Variants in FLNB observed in about 807,000 individuals in gnomAD.
The protein encoded by FLNB is filamin B.
FLNB carries 111 observed loss-of-function variants against 250.6 expected under a neutral mutation model. The observed-to-expected ratio is 0.44, with a 90% CI of 0.38 to 0.52. FLNB has a LOEUF of 0.52. FLNB is among the 20% of genes least tolerant of loss of function. The probability of loss-of-function intolerance (pLI) is 0.00; values close to 1 mark genes in which losing one functional copy is unlikely to be tolerated. For synonymous variants in FLNB, 1,302 were observed against 1,372.1 expected, an observed-to-expected ratio of 0.95 and a Z score of 1.13; for missense variants, 2,869 against 3,447.8, an observed-to-expected ratio of 0.83 and a Z score of 4.20.
At chr3:58,159,149 A>G (rs1053217439) in intron 41 of FLNB, among the ~76,000 whole-genome samples, 3 of 152,094 alleles carry the variant, frequency 2.0e-5, no homozygotes, top group African/African-American at 7.2e-5. Context: ...GCATAACATA[A>G]AACTGTGTTC....
intron 4 of FLNB, among the ~76,000 whole-genome samples, chr3:58,092,874 C>T (rs771579147): frequency 6.6e-6 from 1 of 152,154 alleles, no homozygotes; most frequent in Non-Finnish European, 1.5e-5. Context: ...GATTTCTGTC[C>T]CCCATACTGA....
At position 58,036,574 on chromosome 3, in the gene FLNB, A is replaced by G. The variant is rs996874535; in HGVS notation, c.292+27718A>G. 3.9e-5 allele frequency among the ~76,000 whole-genome samples: 6 copies of G among 152,226 alleles called. No homozygotes were observed. In the East Asian group the frequency reaches 1.2e-3, roughly 29 times the overall value. On this transcript the variant is annotated intron_variant, in intron 1 of 45. Coordinates refer to ENST00000295956, the MANE Select transcript of FLNB (RefSeq NM_001457.4). ...GCAGGGTCTGCAAACTATCTCAAGCACTGATGTTAAGTTTTACAGTAGTGA... is the reference window on the plus strand; with the variant it reads ...GCAGGGTCTGCAAACTATCTCAAGCGCTGATGTTAAGTTTTACAGTAGTGA...
At chr3:58,141,779 A>T in intron 29 of FLNB, 79 bp from the exon 30 acceptor site, 1 of 1,303,548 alleles carries the variant, frequency 7.7e-7, no homozygotes, top group Non-Finnish European at 1.1e-6. Flanking sequence ...GCAGTGGGGG[A>T]AGCAGCTCTG....
Position 58,130,842 on chromosome 3 carries a change from T to G in FLNB, c.4324T>G (p.Ser1442Ala). 4 of 1,613,502 alleles carry G rather than the reference T, an allele frequency of 2.5e-6. No homozygotes were observed. The highest frequency in any genetic ancestry group is 2.5e-6 in the Non-Finnish European group (3 of 1,179,858). ...AGGCGTCCGAGCCCGTGTCCTGCAG[T>G]CCTTCACGGTGGACAGCAGCAAGGC... ...GSGVRARVLQ[S>A]FTVDSSKAGL... The change falls in exon 25 of 46, where the codon TCC becomes GCC. Residue 1442 changes from serine (S) to alanine (A), a missense_variant. Ser to Ala is a moderately conservative substitution (Grantham distance 99, BLOSUM62 1). Transcript: ENST00000295956.
At chr3:58,033,517 G>A (rs2097133837) in intron 1 of FLNB, among the ~76,000 whole-genome samples, 1 of 151,856 alleles carries the variant, frequency 6.6e-6, no homozygotes, top group Admixed American at 6.6e-5. Context: ...CTAGCTTCCC[G>A]AGTAGCAGGG....
intron 1 of FLNB, among the ~76,000 whole-genome samples, chr3:58,019,575 G>A (rs1195299263): frequency 2.0e-5 from 3 of 152,188 alleles, no homozygotes; most frequent in Non-Finnish European, 4.4e-5. Flanking sequence ...GCATCATGCT[G>A]TAAAGGACTT....
At chr3:58,163,676 A>T (rs1382940774) in intron 43 of FLNB, 1 of 337,318 alleles carries the variant, frequency 3.0e-6, no homozygotes, top group Non-Finnish European at 5.6e-6. Flanking sequence ...TTGCCTGCAC[A>T]GAATTCATGA....
At chr3:58,016,060 G>GTTTT (rs374564897) in intron 1 of FLNB, among the ~76,000 whole-genome samples, 19 of 144,706 alleles carry the variant, frequency 1.3e-4, no homozygotes, top group Non-Finnish European at 7.6e-5. Context: ...TTGTTTGTTT[G>GTTTT]TTTTTTTTTT....
rs762246950 is a variant in FLNB, at chr3:58,078,693, G to T, written c.542-24G>T. The T allele has an allele frequency of 3.7e-6, 6 of 1,605,326 alleles. No homozygotes were observed. In the East Asian group the frequency reaches 8.9e-5, roughly 24 times the overall value. The stretch of plus-strand genomic sequence containing the variant: ...TCTCTTTGGTCAGCTAATGCTAAAA[G>T]AATCTTTTGTGTTCTGTTAACAGGT... On this transcript the variant is annotated intron_variant, in intron 2 of 45. Transcript: ENST00000295956.
In FLNB at chr3:58,077,132, G is replaced by T. The variant is rs764628343; in HGVS notation, c.379G>T (p.Val127Leu). The part of the protein sequence containing the change: ...LILHYSISMP[V>L]WEDEGDDDAK... ...CCTCCACTACTCCATCTCCATGCCC[G>T]TGTGGGAGGATGAAGGGGATGATGA... Residue 127 changes from valine to leucine, a missense_variant, in exon 2 of 46, where the codon GTG becomes TTG. Physicochemically the swap from Val to Leu is conservative, Grantham distance 32. This residue lies in a region of FLNB where 308 missense variants were observed against 466.1 expected (regional missense o/e 0.66). Coordinates refer to ENST00000295956, the MANE Select transcript of FLNB (RefSeq NM_001457.4). 5 of 1,614,036 alleles carry T rather than the reference G, an allele frequency of 3.1e-6. No individual in the cohort carries two copies. The highest frequency in any genetic ancestry group is 4.2e-6 in the Non-Finnish European group (5 of 1,180,034).
chr3:58,061,764 A>C (rs1470145679), intron 1 of FLNB, among the ~76,000 whole-genome samples: 1 of 150,182 alleles, frequency 6.7e-6, no homozygotes, highest in African/African-American at 2.4e-5. Flanking sequence ...AAAAAAAAAA[A>C]AAGTAACATA....
intron 1 of FLNB, among the ~76,000 whole-genome samples, chr3:58,075,508 C>A (rs1367311608): frequency 6.6e-6 from 1 of 151,956 alleles, no homozygotes; most frequent in African/African-American, 2.4e-5. Flanking sequence ...GTGGAAGTGG[C>A]AAGAGTGGAA....
At chr3:58,128,855 GT>G (rs1425929756) in intron 24 of FLNB, among the ~76,000 whole-genome samples, 1 of 152,180 alleles carries the variant, frequency 6.6e-6, no homozygotes, top group Non-Finnish European at 1.5e-5. Flanking sequence ...CTCATTTGTG[GT>G]TTTCCCATCA....
At chr3:58,075,294 A>G (rs2106939857) in intron 1 of FLNB, among the ~76,000 whole-genome samples, 1 of 152,266 alleles carries the variant, frequency 6.6e-6, no homozygotes, top group African/African-American at 2.4e-5. Flanking sequence ...GTGGGAGGCC[A>G]AGGAACTCAC....
chr3:58,157,606 A>G (rs753440396), intron 41 of FLNB, among the ~76,000 whole-genome samples: 1 of 152,216 alleles, frequency 6.6e-6, no homozygotes, highest in Non-Finnish European at 1.5e-5. Context: ...TCTTAACAGA[A>G]GTGTCTTTTG....
chr3:58,096,180 T>G lies in FLNB; in HGVS notation c.946T>G (p.Ser316Ala), dbSNP rs750525817. The G allele has an allele frequency of 3.1e-6, 5 of 1,613,924 alleles. No homozygotes were observed. Among genetic ancestry groups the G allele is most frequent in the Non-Finnish European group, 4.2e-6 (5 of 1,179,960 alleles). ...TGACAGTGACAAGAACAAGACATAC[T>G]CTGTGGAGTATCTGCCCAAGGTCAC... ...TPDSDKNKTYSVEYLPKVTGL... is the reference protein window; with the variant it reads ...TPDSDKNKTYAVEYLPKVTGL... The change falls in exon 6 of 46, where the codon TCT (serine) becomes GCT (alanine). Residue 316 changes from serine (S) to alanine (A), a missense_variant. Coordinates refer to ENST00000295956, the MANE Select transcript of FLNB (RefSeq NM_001457.4).
intron 1 of FLNB, among the ~76,000 whole-genome samples, chr3:58,043,257 C>T (rs2097148807): frequency 6.6e-6 from 1 of 151,044 alleles, no homozygotes; most frequent in Non-Finnish European, 1.5e-5. Flanking sequence ...GCCTCAGCCT[C>T]CCAAGTAGTT....
intron 12 of FLNB, 138 bp downstream of exon 12, chr3:58,107,011 ATTTGTTTG>A (rs543270582): frequency 4.1e-4 from 298 of 727,714 alleles, no homozygotes; most frequent in East Asian, 2.0e-3. Context: ...ACAGGCCTGC[ATTTGTTTG>A]TTTGTTTGTT....
chr3:58,160,201 C>T (rs1254644500), intron 42 of FLNB, among the ~76,000 whole-genome samples: 1 of 152,058 alleles, frequency 6.6e-6, no homozygotes, highest in Non-Finnish European at 1.5e-5. Context: ...GACCTTATGG[C>T]ACGAGTAAGC....
Sources: allele counts gnomAD v4.1 joint callset (sites outside exome capture counted in the v4.1 genomes callset), GRCh38; gene constraint gnomAD v4.1.1; regional missense constraint gnomAD v4.1.1; transcripts MANE v1.5; gene names NCBI Gene and HGNC (gene_info 2026-07-23, HGNC 2026-07-21).